PDLIM1: variants seen among roughly 807,000 people sequenced by gnomAD.
The protein encoded by PDLIM1 is PDZ and LIM domain 1, also known as PDZ and LIM domain protein 1.
Under a neutral mutation model 35.2 loss-of-function variants are expected in PDLIM1, and 25 were observed. The ratio of observed to expected loss-of-function variants is 0.71; its 90% CI spans 0.52 to 0.99. The LOEUF is 0.99. PDLIM1 is among the 50% of genes least tolerant of loss of function. The pLI, the probability that PDLIM1 is intolerant of heterozygous loss-of-function variation, is 0.00. For synonymous variants in PDLIM1, 152 were observed against 154.0 expected, an observed-to-expected ratio of 0.99 and a Z score of 0.10; for missense variants, 363 against 415.3, an observed-to-expected ratio of 0.87 and a Z score of 1.09.
chr10:95,261,099 CAA>C (rs2035358983), intron 4 of PDLIM1, among the ~76,000 whole-genome samples: 1 of 152,128 alleles, frequency 6.6e-6, no homozygotes, highest in African/African-American at 2.4e-5. Flanking sequence ...CTACTGCAGC[CAA>C]AGAGTCTGGG....
intron 6 of PDLIM1, 54 bp from the exon 7 acceptor site, chr10:95,238,165 G>C: frequency 2.7e-6 from 4 of 1,491,542 alleles, no homozygotes; most frequent in Non-Finnish European, 3.7e-6. Context: ...CCTGCAGGTG[G>C]CACCTGAGCA....
At chr10:95,239,655 G>T (rs2035159381) in intron 5 of PDLIM1, among the ~76,000 whole-genome samples, 1 of 152,128 alleles carries the variant, frequency 6.6e-6, no homozygotes, top group Non-Finnish European at 1.5e-5. Context: ...AATTAGCCAG[G>T]TGTGGTGGCA....
chr10:95,284,296 T>C (rs1489224176), intron 1 of PDLIM1, among the ~76,000 whole-genome samples: 1 of 152,174 alleles, frequency 6.6e-6, no homozygotes, highest in African/African-American at 2.4e-5. Flanking sequence ...TTTTTTATTA[T>C]TTTTTTAAAG....
intron 1 of PDLIM1, among the ~76,000 whole-genome samples, chr10:95,288,038 G>C (rs1406658895): frequency 6.6e-6 from 1 of 152,130 alleles, no homozygotes; most frequent in Non-Finnish European, 1.5e-5. Context: ...GATTACCATA[G>C]GTCAGGATAG....
chr10:95,288,114 A>G (rs1362282580), intron 1 of PDLIM1, among the ~76,000 whole-genome samples: 1 of 152,186 alleles, frequency 6.6e-6, no homozygotes. Flanking sequence ...GTGATTATAC[A>G]GATGCTTGCT....
At chr10:95,275,830 T>C (rs1428147862) in intron 1 of PDLIM1, among the ~76,000 whole-genome samples, 7 of 152,180 alleles carry the variant, frequency 4.6e-5, no homozygotes, top group Non-Finnish European at 8.8e-5. Flanking sequence ...GAACCAGTCT[T>C]AGGCGCCCCA....
chr10:95,265,947 G>C (rs556047264), intron 3 of PDLIM1, among the ~76,000 whole-genome samples: 1 of 149,888 alleles, frequency 6.7e-6, no homozygotes, highest in Non-Finnish European at 1.5e-5. Context: ...TCCTGTAATC[G>C]CAGCACTTTG....
At chr10:95,239,146 A>C (rs1367095081) in intron 5 of PDLIM1, among the ~76,000 whole-genome samples, 1 of 152,230 alleles carries the variant, frequency 6.6e-6, no homozygotes, top group African/African-American at 2.4e-5. Context: ...GGCTAGCCAT[A>C]TGCAGAAAAT....
chr10:95,240,959 G>A (rs1589504426), intron 5 of PDLIM1, among the ~76,000 whole-genome samples: 1 of 152,034 alleles, frequency 6.6e-6, no homozygotes, highest in Non-Finnish European at 1.5e-5. Flanking sequence ...CCCACCCCCA[G>A]AGTTTCTGAG....
chr10:95,283,124 C>T (rs888864073), intron 1 of PDLIM1, among the ~76,000 whole-genome samples: 2 of 152,226 alleles, frequency 1.3e-5, no homozygotes, highest in African/African-American at 4.8e-5. Context: ...GCATCAACCT[C>T]ATCAGGTTGC....
chr10:95,285,104 A>G (rs2035591722), intron 1 of PDLIM1, among the ~76,000 whole-genome samples: 1 of 152,194 alleles, frequency 6.6e-6, no homozygotes, highest in Admixed American at 6.5e-5. Context: ...CCCCACAAGC[A>G]GGTCTTTCTC....
At chr10:95,256,418 G>C (rs577195341) in intron 4 of PDLIM1, among the ~76,000 whole-genome samples, 2 of 152,068 alleles carry the variant, frequency 1.3e-5, no homozygotes, top group East Asian at 3.9e-4. Flanking sequence ...CAAAAATGGA[G>C]GCCTCATACG....
chr10:95,269,867 C>G (rs1438805080), intron 2 of PDLIM1, among the ~76,000 whole-genome samples: 1 of 152,104 alleles, frequency 6.6e-6, no homozygotes, highest in Non-Finnish European at 1.5e-5. Flanking sequence ...TCCCGAGTAG[C>G]TGAGATTACA....
At chr10:95,271,578 C>T in intron 2 of PDLIM1, 55 bp downstream of exon 2, 7 of 1,501,074 alleles carry the variant, frequency 4.7e-6, no homozygotes, top group Non-Finnish European at 5.4e-6. Context: ...CAGTCCCTGC[C>T]CACAAACAGC....
rs2035575014 is a variant in PDLIM1, at chr10:95,283,220, T to C, written c.96+7600A>G. On this transcript the variant is annotated intron_variant, in intron 1 of 6. Transcript: ENST00000329399. ...AACACTCAATATATAGTAGCTACCA[T>C]TAATATTTTTAATATTTAATAGTTT... 2.0e-5 allele frequency among the ~76,000 whole-genome samples: 3 copies of C among 152,230 alleles called. No homozygotes were observed. In the South Asian group the frequency reaches 6.2e-4, roughly 32 times the overall value.
intron 4 of PDLIM1, among the ~76,000 whole-genome samples, chr10:95,249,766 C>T (rs1358036345): frequency 1.3e-5 from 2 of 152,180 alleles, no homozygotes; most frequent in Non-Finnish European, 1.5e-5. Flanking sequence ...CAATCAAGGT[C>T]CAGGTGTTTC....
intron 5 of PDLIM1, among the ~76,000 whole-genome samples, chr10:95,242,030 C>A (rs1362212500): frequency 6.6e-6 from 1 of 152,228 alleles, no homozygotes; most frequent in East Asian, 1.9e-4. Flanking sequence ...GGCTTCCCCC[C>A]TCAGAGCTGG....
chr10:95,254,613 GAAAA>G (rs2035294939), intron 4 of PDLIM1, among the ~76,000 whole-genome samples: 1 of 152,136 alleles, frequency 6.6e-6, no homozygotes, highest in Admixed American at 6.6e-5. Context: ...AGAGGATACA[GAAAA>G]ATTCAACAAT....
intron 1 of PDLIM1, among the ~76,000 whole-genome samples, chr10:95,287,893 T>C (rs1028202812): frequency 2.7e-5 from 4 of 149,386 alleles, no homozygotes; most frequent in African/African-American, 9.9e-5. Flanking sequence ...GATGAAAACA[T>C]TAAGGAGCTA....
Sources: gnomAD v4.1 joint callset for allele counts (sites outside exome capture counted in the v4.1 genomes callset) on GRCh38, gnomAD v4.1.1 for gene constraint, MANE v1.5 for transcripts, NCBI Gene and HGNC (gene_info 2026-07-23, HGNC 2026-07-21) for gene names.